The following FAF1 variants were observed in gnomAD, a reference collection of about 807,000 sequenced individuals.
The protein encoded by FAF1 is FAS-associated factor 1.
In FAF1, 25 loss-of-function variants were observed where a neutral mutation model predicts 92.5. That is an observed-to-expected ratio of 0.27 (90% CI 0.20 to 0.38). The LOEUF (loss-of-function observed/expected upper bound fraction) is 0.38, where lower values mean the gene tolerates loss of function less well. Among genes scored for constraint, FAF1 ranks in the 10% least tolerant of loss-of-function variants. The pLI, the probability that FAF1 is intolerant of heterozygous loss-of-function variation, is 1.00. For missense variants in FAF1, 636 were observed against 793.3 expected (o/e 0.80, Z 2.38); for synonymous variants, 234 against 273.2 (o/e 0.86, Z 1.42).
At chr1:50,730,169 T>C (rs1390586708) in intron 6 of FAF1, among the ~76,000 whole-genome samples, 4 of 152,208 alleles carry the variant, frequency 2.6e-5, no homozygotes, top group African/African-American at 4.8e-5. Context: ...TCATCTCTTT[T>C]TGTACTCATT....
Position 50,960,117 on chromosome 1 carries a change from A to T in FAF1, c.-306T>A, listed in dbSNP as rs936858109. ...GGTCTTACAGTCGCGGGCCAGGATGAGGGCAGGTTGCGACAGCGCGCACCC... is the reference window on the plus strand; with the variant it reads ...GGTCTTACAGTCGCGGGCCAGGATGTGGGCAGGTTGCGACAGCGCGCACCC... On this transcript the variant is annotated 5_prime_UTR_variant, in exon 1 of 19. Transcript: ENST00000396153. The T allele has an allele frequency of 1.1e-4, 43 of 379,958 alleles. No homozygotes were observed. The highest frequency in any genetic ancestry group is 2.0e-4 in the Non-Finnish European group (42 of 213,978). The allele number at this position is 379,958 out of a possible 1,614,324, so 23.5% of individuals were successfully genotyped here. A position where few individuals can be genotyped will look rare whatever the true frequency, so the allele number is the denominator to read the frequency against.
chr1:50,829,987 T>C (rs1644137581), intron 2 of FAF1, among the ~76,000 whole-genome samples: 1 of 152,216 alleles, frequency 6.6e-6, no homozygotes, highest in Non-Finnish European at 1.5e-5. Context: ...CTATGTCCCT[T>C]TTAGGTTCAG....
At chr1:50,942,318 T>C (rs1038083053) in intron 1 of FAF1, among the ~76,000 whole-genome samples, 11 of 152,150 alleles carry the variant, frequency 7.2e-5, no homozygotes, top group Admixed American at 2.0e-4. Flanking sequence ...CTGGGCAACA[T>C]AGTGAAACCC....
chr1:50,717,459 G>A (rs1240017155), intron 6 of FAF1, among the ~76,000 whole-genome samples: 3 of 152,138 alleles, frequency 2.0e-5, no homozygotes, highest in Non-Finnish European at 4.4e-5. Context: ...TTGGACTTTT[G>A]ACATTCACAA....
intron 7 of FAF1, among the ~76,000 whole-genome samples, chr1:50,656,439 G>A (rs1655115956): frequency 6.6e-6 from 1 of 151,972 alleles, no homozygotes; most frequent in South Asian, 2.1e-4. Flanking sequence ...AGAGCTATAG[G>A]CCCTTCCTGA....
intron 7 of FAF1, among the ~76,000 whole-genome samples, chr1:50,679,610 C>T (rs1656334983): frequency 6.6e-6 from 1 of 152,186 alleles, no homozygotes; most frequent in Non-Finnish European, 1.5e-5. Flanking sequence ...AACTCAGTTA[C>T]TCAAGTCATA....
At chr1:50,525,159 T>C (rs1647728073) in intron 15 of FAF1, among the ~76,000 whole-genome samples, 1 of 152,236 alleles carries the variant, frequency 6.6e-6, no homozygotes, top group South Asian at 2.1e-4. Flanking sequence ...ATGCTGGGAT[T>C]ACAGGCGTGA....
intron 13 of FAF1, among the ~76,000 whole-genome samples, chr1:50,540,630 A>C (rs1175050372): frequency 6.6e-6 from 1 of 152,340 alleles, no homozygotes; most frequent in East Asian, 1.9e-4. Flanking sequence ...AAACTGATAA[A>C]GCTTTTCTCT....
chr1:50,498,890 A>T (rs1646942669), intron 15 of FAF1, among the ~76,000 whole-genome samples: 1 of 151,976 alleles, frequency 6.6e-6, no homozygotes, highest in Non-Finnish European at 1.5e-5. Flanking sequence ...ACTTGAATAG[A>T]CATTTTCCAG....
At chr1:50,691,114 T>C (rs977676902) in intron 7 of FAF1, among the ~76,000 whole-genome samples, 2 of 152,264 alleles carry the variant, frequency 1.3e-5, no homozygotes, top group Non-Finnish European at 2.9e-5. Flanking sequence ...GTCAGATAGA[T>C]GGTAACCATG....
At chr1:50,751,215 G>A (rs1659852918) in intron 4 of FAF1, among the ~76,000 whole-genome samples, 1 of 150,996 alleles carries the variant, frequency 6.6e-6, no homozygotes, top group African/African-American at 2.4e-5. Flanking sequence ...AAACTTGATA[G>A]AGGGCATTGC....
intron 14 of FAF1, among the ~76,000 whole-genome samples, chr1:50,537,164 C>T (rs569528831): frequency 6.6e-6 from 1 of 151,994 alleles, no homozygotes; most frequent in Non-Finnish European, 1.5e-5. Flanking sequence ...GGCTAAGACT[C>T]GGAGCATGGG....
intron 2 of FAF1, among the ~76,000 whole-genome samples, chr1:50,806,506 C>T (rs1046712645): frequency 2.0e-5 from 3 of 152,198 alleles, no homozygotes; most frequent in African/African-American, 7.2e-5. Context: ...GCTTCCACCA[C>T]TACCCCACTC....
intron 1 of FAF1, among the ~76,000 whole-genome samples, chr1:50,952,935 G>A (rs563942908): frequency 3.3e-5 from 5 of 152,308 alleles, no homozygotes; most frequent in South Asian, 4.1e-4. Context: ...TGACGATGGC[G>A]GTTTTGTCGA....
At chr1:50,890,831 T>C (rs1644713655) in intron 1 of FAF1, among the ~76,000 whole-genome samples, 2 of 151,958 alleles carry the variant, frequency 1.3e-5, no homozygotes, top group African/African-American at 2.4e-5. Flanking sequence ...AATCTGACAA[T>C]TGTGTCTTGG....
intron 13 of FAF1, among the ~76,000 whole-genome samples, chr1:50,547,267 A>T (rs1649070123): frequency 6.6e-6 from 1 of 152,216 alleles, no homozygotes; most frequent in Admixed American, 6.5e-5. Context: ...GTTGGAGAAC[A>T]AACCAAAGGT....
intron 6 of FAF1, among the ~76,000 whole-genome samples, chr1:50,721,461 C>T (rs537245938): frequency 2.6e-4 from 39 of 152,188 alleles, no homozygotes; most frequent in African/African-American, 8.4e-4. Flanking sequence ...GATCCGCCTG[C>T]GTCGGCCTCC....
chr1:50,943,953 T>C (rs1186262701), intron 1 of FAF1, among the ~76,000 whole-genome samples: 1 of 152,214 alleles, frequency 6.6e-6, no homozygotes, highest in Middle Eastern at 3.2e-3. Flanking sequence ...TCAAATTGTG[T>C]CGCAGCACAA....
chr1:50,819,714 T>C (rs1200124672), intron 2 of FAF1, among the ~76,000 whole-genome samples: 2 of 30,660 alleles, frequency 6.5e-5, no homozygotes, highest in African/African-American at 2.0e-4. Flanking sequence ...CATATATATA[T>C]ACGTATATAT....
Sources: allele counts gnomAD v4.1 joint callset (sites outside exome capture counted in the v4.1 genomes callset), GRCh38; gene constraint gnomAD v4.1.1; transcripts MANE v1.5; gene names NCBI Gene and HGNC (gene_info 2026-07-23, HGNC 2026-07-21).